PKIG: variants seen among roughly 807,000 people sequenced by gnomAD.
The protein encoded by PKIG is cAMP-dependent protein kinase inhibitor gamma, also known as protein kinase (cAMP-dependent, catalytic) inhibitor gamma.
Under a neutral mutation model 6.8 loss-of-function variants are expected in PKIG, and 1 was observed. That is an observed-to-expected ratio of 0.15 (90% CI 0.05 to 0.69). The LOEUF (loss-of-function observed/expected upper bound fraction) is 0.69, where lower values mean the gene tolerates loss of function less well. PKIG is among the 30% of genes least tolerant of loss of function. The probability of loss-of-function intolerance (pLI) is 0.82; values close to 1 mark genes in which losing one functional copy is unlikely to be tolerated. For synonymous variants in PKIG, 39 were observed against 43.0 expected (o/e 0.91, Z 0.36); for missense variants, 77 against 104.0 (o/e 0.74, Z 1.13).
At chr20:44,606,883 A>G (rs1210073309) in intron 2 of PKIG, among the ~76,000 whole-genome samples, 2 of 152,248 alleles carry the variant, frequency 1.3e-5, no homozygotes, top group East Asian at 3.8e-4. Context: ...GTGAGAACAC[A>G]GTGTTCAAGG....
At chr20:44,544,639 T>G (rs532350098) in intron 1 of PKIG, among the ~76,000 whole-genome samples, 102 of 152,330 alleles carry the variant, frequency 6.7e-4, no homozygotes, top group African/African-American at 2.4e-3. Context: ...TAAAGTACCC[T>G]AAGTCCCAAC....
intron 1 of PKIG, among the ~76,000 whole-genome samples, chr20:44,561,712 G>GCCTCCCA (rs2064768917): frequency 6.6e-6 from 1 of 152,072 alleles, no homozygotes; most frequent in Admixed American, 6.6e-5. Context: ...CAAACTTCTG[G>GCCTCCCA]CCTCAAGTGA....
chr20:44,607,373 A>AT lies in PKIG; in HGVS notation c.-23-7160dup, dbSNP rs1404372234. Among the ~76,000 whole-genome samples, 725 of 111,306 alleles carry AT rather than the reference A, an allele frequency of 6.5e-3. 3 individuals carry two copies. Among genetic ancestry groups the AT allele is most frequent in the African/African-American group, 0.011 (262 of 23,366 alleles). The allele number at this position is 111,306 out of a possible 152,430, so 73.0% of individuals were successfully genotyped here. A position where few individuals can be genotyped will look rare whatever the true frequency, so the allele number is the denominator to read the frequency against. On this transcript the variant is annotated intron_variant, in intron 2 of 3. Transcript: ENST00000372886. Reference sequence around the variant, plus strand: ...TGTGTGTGTGTGTATATATATATATATATATTTTTTTTTTTTTTTTTTTGA... The same window carrying AT: ...TGTGTGTGTGTGTATATATATATATATTATATTTTTTTTTTTTTTTTTTTGA...
In PKIG at chr20:44,616,175, T is replaced by C. The variant is rs534726351; in HGVS notation, c.151+1468T>C. Among the ~76,000 whole-genome samples, 49 of 152,248 alleles carry C rather than the reference T, an allele frequency of 3.2e-4. No homozygotes were observed. The South Asian group carries it at 1.0e-2, about 31-fold the overall frequency. ...TGCCTGGCTGGGTTCTCTTCATTCT[T>C]AGAGACCCAGGCATCTGCTCAGCTG... On this transcript the variant is annotated intron_variant, in intron 3 of 3. Transcript: ENST00000372886.
intron 1 of PKIG, among the ~76,000 whole-genome samples, chr20:44,568,160 C>T (rs887277444): frequency 2.0e-5 from 3 of 152,098 alleles, no homozygotes; most frequent in African/African-American, 4.8e-5. Context: ...AAATAAATAA[C>T]TCTGATATAA....
At chr20:44,604,063 G>A (rs1432246856) in intron 2 of PKIG, among the ~76,000 whole-genome samples, 1 of 152,214 alleles carries the variant, frequency 6.6e-6, no homozygotes, top group East Asian at 1.9e-4. Context: ...TGAGAAGACT[G>A]GGGGCAGAAA....
chr20:44,563,828 GCTGT>G (rs1370321895), intron 1 of PKIG, among the ~76,000 whole-genome samples: 6 of 152,134 alleles, frequency 3.9e-5, no homozygotes, highest in Non-Finnish European at 7.3e-5. Context: ...ACTGCACCTG[GCTGT>G]CTGTCTTACC....
chr20:44,579,188 G>A (rs1296730033), upstream of PKIG, among the ~76,000 whole-genome samples: 1 of 152,102 alleles, frequency 6.6e-6, no homozygotes, highest in Non-Finnish European at 1.5e-5. Flanking sequence ...AGAGAAAAAA[G>A]ACCTGCCCCC....
At chr20:44,605,128 A>G (rs1401222837) in intron 2 of PKIG, among the ~76,000 whole-genome samples, 1 of 152,178 alleles carries the variant, frequency 6.6e-6, no homozygotes, top group Non-Finnish European at 1.5e-5. Flanking sequence ...GAAACAGGCC[A>G]GGTGCGGTGG....
chr20:44,583,017 C>G (rs959545136), intron 1 of PKIG, among the ~76,000 whole-genome samples: 1 of 152,090 alleles, frequency 6.6e-6, no homozygotes, highest in Non-Finnish European at 1.5e-5. Context: ...GCTCCTTGCT[C>G]CAAATATAGG....
Position 44,614,765 on chromosome 20 carries a change from G to A in PKIG, c.151+58G>A, listed in dbSNP as rs2065249542. ...TGCCAGAGGCCCTCTGCCGGGCCCCGGGCTAGCCTCCAAGTCCTAGACTGC... is the reference window on the plus strand; with the variant it reads ...TGCCAGAGGCCCTCTGCCGGGCCCCAGGCTAGCCTCCAAGTCCTAGACTGC... On this transcript the variant is annotated intron_variant, in intron 3 of 3. Transcript: ENST00000372886. The surrounding 1 kb of genome is among the most constrained non-coding windows in gnomAD (Gnocchi z 4.6). 5 of 1,580,922 alleles carry A rather than the reference G, an allele frequency of 3.2e-6. No homozygotes were observed. The highest frequency in any genetic ancestry group is 1.1e-5 in the South Asian group (1 of 89,134).
At chr20:44,617,101 C>T (rs1426604689) in intron 3 of PKIG, among the ~76,000 whole-genome samples, 2 of 152,182 alleles carry the variant, frequency 1.3e-5, no homozygotes, top group African/African-American at 2.4e-5. Flanking sequence ...ATATCATGAC[C>T]CTAGTTACAC....
intron 1 of PKIG, among the ~76,000 whole-genome samples, chr20:44,584,697 G>C (rs777584072): frequency 6.6e-6 from 1 of 151,620 alleles, no homozygotes; most frequent in Non-Finnish European, 1.5e-5. Context: ...GTTAATAAGA[G>C]GGTTCTCAAA....
intron 1 of PKIG, among the ~76,000 whole-genome samples, chr20:44,575,022 C>T (rs1246195759): frequency 1.3e-5 from 2 of 152,140 alleles, no homozygotes; most frequent in Non-Finnish European, 2.9e-5. Context: ...ACAAGGACCT[C>T]ACATTACCAT....
intron 1 of PKIG, among the ~76,000 whole-genome samples, chr20:44,535,369 G>T (rs545170105): frequency 6.6e-6 from 1 of 152,160 alleles, no homozygotes; most frequent in Non-Finnish European, 1.5e-5. Flanking sequence ...GGCCTGGCAC[G>T]GTGGCTTACG....
rs917899541 is a variant in PKIG at position 44,616,870 on chromosome 20, C to T, written c.152-1415C>T. Reference sequence around the variant, plus strand: ...GAATAAAAGCAGGCTTTCCAGGCAGCGGGCTCGGAATAGGGTCCCGAGCTA... The same window carrying T: ...GAATAAAAGCAGGCTTTCCAGGCAGTGGGCTCGGAATAGGGTCCCGAGCTA... On this transcript the variant is annotated intron_variant, in intron 3 of 3. Transcript: ENST00000372886. Among the ~76,000 whole-genome samples the T allele has an allele frequency of 3.3e-5, 5 of 152,298 alleles. No homozygotes were observed. The South Asian group carries it at 6.2e-4, about 19-fold the overall frequency.
chr20:44,541,155 G>C (rs2064558171), intron 1 of PKIG, among the ~76,000 whole-genome samples: 3 of 152,326 alleles, frequency 2.0e-5, no homozygotes, highest in South Asian at 4.1e-4. Context: ...TTCTAATCAG[G>C]ATAGGCTTAG....
intron 1 of PKIG, among the ~76,000 whole-genome samples, chr20:44,556,643 A>G (rs1010887352): frequency 3.3e-5 from 5 of 152,070 alleles, no homozygotes; most frequent in African/African-American, 1.2e-4. Context: ...GATTACAGGC[A>G]TGAGCCACCG....
intron 2 of PKIG, among the ~76,000 whole-genome samples, chr20:44,613,638 A>T (rs1019401212): frequency 6.6e-6 from 1 of 152,034 alleles, no homozygotes; most frequent in Non-Finnish European, 1.5e-5. Flanking sequence ...TCAATCCAAC[A>T]CTACTTCTTG....
Sources: gnomAD v4.1 joint callset for allele counts (sites outside exome capture counted in the v4.1 genomes callset) on GRCh38, gnomAD v4.1.1 for gene constraint, Gnocchi (gnomAD v3.1) non-coding constraint, MANE v1.5 for transcripts, NCBI Gene and HGNC (gene_info 2026-07-23, HGNC 2026-07-21) for gene names.